Variants in PTPRD observed in about 807,000 individuals in gnomAD.
PTPRD encodes the protein protein tyrosine phosphatase receptor type D.
PTPRD carries 34 observed loss-of-function variants against 214.5 expected under a neutral mutation model. The ratio of observed to expected loss-of-function variants is 0.16; its 90% CI spans 0.12 to 0.21. The LOEUF is 0.21. Ranked by LOEUF, PTPRD falls within the 10% of genes least tolerant of loss-of-function variation. PTPRD has a pLI of 1.00. For synonymous variants in PTPRD, 1,128 were observed against 845.7 expected (o/e 1.33, Z -5.79); for missense variants, 2,545 against 2,398.7 (o/e 1.06, Z -1.27).
chr9:10,201,768 G>A (rs1267640568), intron 3 of PTPRD, among the ~76,000 whole-genome samples: 1 of 152,150 alleles, frequency 6.6e-6, no homozygotes, highest in Admixed American at 6.6e-5. Flanking sequence ...TCCCATGAAT[G>A]TATGCGATTA....
chr9:10,598,429 C>T (rs10809130), intron 2 of PTPRD, among the ~76,000 whole-genome samples: 16,035 of 151,718 alleles, frequency 0.11, 1,171 homozygotes, highest in Admixed American at 0.21. Flanking sequence ...AAAGATATCA[C>T]AGCAACATTT....
At chr9:8,481,474 T>C (rs1180190987) in intron 30 of PTPRD, among the ~76,000 whole-genome samples, 1 of 152,196 alleles carries the variant, frequency 6.6e-6, no homozygotes, top group South Asian at 2.1e-4. Flanking sequence ...CTGATTTTGT[T>C]TTTTAATACC....
intron 8 of PTPRD, among the ~76,000 whole-genome samples, chr9:9,430,805 G>A (rs1003805594): frequency 6.6e-6 from 1 of 152,122 alleles, no homozygotes; most frequent in African/African-American, 2.4e-5. Context: ...AATGGGGAAA[G>A]GAATCCCTGT....
At chr9:8,527,260 G>T (rs912292948) in intron 16 of PTPRD, 85 bp downstream of exon 16, 2 of 1,412,012 alleles carry the variant, frequency 1.4e-6, no homozygotes, top group Non-Finnish European at 2.0e-6. Context: ...TAAAATGCAT[G>T]CCATGCATTT....
intron 12 of PTPRD, among the ~76,000 whole-genome samples, chr9:8,673,450 G>A (rs78582656): frequency 0.062 from 9,394 of 152,024 alleles, 450 homozygotes; most frequent in Non-Finnish European, 0.086. Flanking sequence ...AATAATAACA[G>A]TAGTAATAGC....
chr9:9,572,612 TC>T (rs2086860317), intron 8 of PTPRD, among the ~76,000 whole-genome samples: 3 of 147,052 alleles, frequency 2.0e-5, no homozygotes, highest in Admixed American at 1.4e-4. Flanking sequence ...TATATATATA[TC>T]ATACATATAT....
At chr9:10,507,468 C>G (rs914335805) in intron 2 of PTPRD, among the ~76,000 whole-genome samples, 1 of 151,992 alleles carries the variant, frequency 6.6e-6, no homozygotes, top group Non-Finnish European at 1.5e-5. Flanking sequence ...CATATGGAAC[C>G]AAAAAATAGC....
At chr9:8,617,451 C>G (rs748875764) in intron 14 of PTPRD, among the ~76,000 whole-genome samples, 3 of 152,044 alleles carry the variant, frequency 2.0e-5, no homozygotes, top group Non-Finnish European at 4.4e-5. Context: ...GTAATTTATT[C>G]CTATTCCTGA....
intron 7 of PTPRD, among the ~76,000 whole-genome samples, chr9:9,606,515 T>C (rs2094164061): frequency 6.6e-6 from 1 of 152,070 alleles, no homozygotes; most frequent in South Asian, 2.1e-4. Context: ...TATGGCGATC[T>C]CCCAATATTT....
intron 9 of PTPRD, among the ~76,000 whole-genome samples, chr9:9,207,483 T>A (rs971480844): frequency 1.3e-5 from 2 of 151,464 alleles, no homozygotes; most frequent in African/African-American, 4.9e-5. Flanking sequence ...AAAAGCCAAA[T>A]AAAAATATAA....
intron 20 of PTPRD, among the ~76,000 whole-genome samples, chr9:8,519,854 T>C (rs1403767997): frequency 6.6e-6 from 1 of 152,104 alleles, no homozygotes; most frequent in Non-Finnish European, 1.5e-5. Context: ...AACAAAATAT[T>C]AGTTTAAAGT....
rs550849736 is a variant in PTPRD, at chr9:10,053,499, G to T, written c.-544-19709C>A. The stretch of plus-strand genomic sequence containing the variant: ...ACTACAGAGAGAAGAAAAAGCTATG[G>T]ATCTTCTCAGTGGGTAAATACTGGA... On this transcript the variant is annotated intron_variant, in intron 3 of 45. Coordinates refer to ENST00000381196, the MANE Select transcript of PTPRD (RefSeq NM_002839.4). Among the ~76,000 whole-genome samples the T allele has an allele frequency of 8.5e-4, 130 of 152,142 alleles. 2 individuals carry two copies. In the South Asian group the frequency reaches 0.016, roughly 19 times the overall value.
intron 3 of PTPRD, among the ~76,000 whole-genome samples, chr9:10,277,856 T>C (rs2094810301): frequency 6.6e-6 from 1 of 151,946 alleles, no homozygotes; most frequent in Admixed American, 6.6e-5. Flanking sequence ...GCATTAGGGA[T>C]ACTTTAAAAG....
At chr9:9,730,179 T>C (rs565964373) in intron 7 of PTPRD, among the ~76,000 whole-genome samples, 6 of 152,232 alleles carry the variant, frequency 3.9e-5, no homozygotes, top group African/African-American at 1.4e-4. Flanking sequence ...GAAAATACAA[T>C]ACTACATTTG....
intron 4 of PTPRD, among the ~76,000 whole-genome samples, chr9:10,012,641 G>T (rs2096625430): frequency 6.6e-6 from 1 of 151,874 alleles, no homozygotes; most frequent in South Asian, 2.1e-4. Context: ...CCCAAGACTA[G>T]CACTGTTATT....
intron 6 of PTPRD, among the ~76,000 whole-genome samples, chr9:9,755,927 G>A (rs1396593177): frequency 6.6e-6 from 1 of 151,634 alleles, no homozygotes; most frequent in Non-Finnish European, 1.5e-5. Context: ...CCATGTCAAT[G>A]ATGCTTTTAA....
At chr9:9,944,586 G>T (rs1422895944) in intron 4 of PTPRD, among the ~76,000 whole-genome samples, 4 of 152,038 alleles carry the variant, frequency 2.6e-5, no homozygotes, top group African/African-American at 4.8e-5. Flanking sequence ...AGGAAAAAAG[G>T]GAGTCAGGCA....
Position 10,049,180 on chromosome 9 carries a change from A to T in PTPRD, c.-544-15390T>A, listed in dbSNP as rs73641831. 5.8e-3 allele frequency among the ~76,000 whole-genome samples: 884 copies of T among 152,256 alleles called. 10 individuals are homozygous for T. Among genetic ancestry groups the T allele is most frequent in the African/African-American group, 0.02 (814 of 41,568 alleles). On this transcript the variant is annotated intron_variant, in intron 3 of 45. Coordinates refer to ENST00000381196, the MANE Select transcript of PTPRD (RefSeq NM_002839.4). ...ACCACTTCAATGTGGCGTTTGCGGAAAAAGGAGGCATGGAGTGTTCAGGCT... is the reference window on the plus strand; with the variant it reads ...ACCACTTCAATGTGGCGTTTGCGGATAAAGGAGGCATGGAGTGTTCAGGCT...
chr9:8,738,023 AT>A lies in PTPRD; in HGVS notation c.-103-4078del, dbSNP rs201660783. 6.8e-3 allele frequency among the ~76,000 whole-genome samples: 1,038 copies of A among 152,266 alleles called. 9 individuals carry two copies. Among genetic ancestry groups the A allele is most frequent in the African/African-American group, 0.023 (962 of 41,550 alleles). ...TGAATCTAAAATACAATTTCAAAAA[AT>A]TTATAACTCCCCGGTTTCTTATTTC... On this transcript the variant is annotated intron_variant, in intron 11 of 45. Coordinates refer to ENST00000381196, the MANE Select transcript of PTPRD (RefSeq NM_002839.4).
Sources: allele counts gnomAD v4.1 joint callset (sites outside exome capture counted in the v4.1 genomes callset), GRCh38; gene constraint gnomAD v4.1.1; transcripts MANE v1.5; gene names NCBI Gene and HGNC (gene_info 2026-07-23, HGNC 2026-07-21).